Variants in NKAIN3 observed in about 807,000 individuals in gnomAD.
NKAIN3 encodes sodium/potassium-transporting ATPase subunit beta-1-interacting protein 3.
NKAIN3 carries 25 observed loss-of-function variants against 30.2 expected under a neutral mutation model. The observed-to-expected ratio is 0.83, with a 90% CI of 0.60 to 1.16. The LOEUF (loss-of-function observed/expected upper bound fraction) is 1.16, where lower values mean the gene tolerates loss of function less well. Ranked by LOEUF, NKAIN3 falls within the 50% of genes most tolerant of loss-of-function variation. The pLI is 0.00. For synonymous variants in NKAIN3, 91 were observed against 89.6 expected, an observed-to-expected ratio of 1.02 and a Z score of -0.09; for missense variants, 225 against 254.1, an observed-to-expected ratio of 0.89 and a Z score of 0.78.
chr8:62,259,192 T>C (rs533242105), intron 1 of NKAIN3, among the ~76,000 whole-genome samples: 2 of 152,210 alleles, frequency 1.3e-5, no homozygotes, highest in East Asian at 3.8e-4. Context: ...ATTTATAGTA[T>C]TTTGGACAAC....
At chr8:62,785,933 C>T (rs138674338) in intron 4 of NKAIN3, among the ~76,000 whole-genome samples, 3 of 152,250 alleles carry the variant, frequency 2.0e-5, no homozygotes, top group East Asian at 3.9e-4. Flanking sequence ...ATCCCTGCCT[C>T]TCAAACTGAG....
At chr8:62,625,553 CAT>C (rs961331005) in intron 3 of NKAIN3, among the ~76,000 whole-genome samples, 2 of 152,082 alleles carry the variant, frequency 1.3e-5, no homozygotes, top group African/African-American at 4.8e-5. Flanking sequence ...GGTTGCTTAA[CAT>C]AAAATTCCAG....
At chr8:62,840,866 A>G (rs982397672) in intron 4 of NKAIN3, among the ~76,000 whole-genome samples, 25 of 152,166 alleles carry the variant, frequency 1.6e-4, no homozygotes, top group Admixed American at 3.3e-4. Context: ...GTTCATGCAC[A>G]GGTATGAACA....
chr8:62,298,441 A>C (rs907299002), intron 1 of NKAIN3, among the ~76,000 whole-genome samples: 2 of 152,084 alleles, frequency 1.3e-5, no homozygotes, highest in Non-Finnish European at 1.5e-5. Context: ...CCCCAGTATC[A>C]ACCCTACCAA....
intron 3 of NKAIN3, among the ~76,000 whole-genome samples, chr8:62,641,696 G>A (rs1812312362): frequency 6.6e-6 from 1 of 152,136 alleles, no homozygotes; most frequent in Non-Finnish European, 1.5e-5. Flanking sequence ...GGCAAGATTA[G>A]GAAGGGGTTA....
At chr8:62,684,502 A>G (rs1226061454) in intron 3 of NKAIN3, among the ~76,000 whole-genome samples, 2 of 152,188 alleles carry the variant, frequency 1.3e-5, no homozygotes, top group East Asian at 3.9e-4. Flanking sequence ...AGAAGGATGT[A>G]AAGCCATGCT....
chr8:62,712,258 A>C (rs560665150), intron 3 of NKAIN3, among the ~76,000 whole-genome samples: 1 of 152,252 alleles, frequency 6.6e-6, no homozygotes, highest in East Asian at 1.9e-4. Flanking sequence ...CAGCTATGGT[A>C]GTATGGGTAG....
intron 4 of NKAIN3, among the ~76,000 whole-genome samples, chr8:62,875,128 C>T (rs1172127958): frequency 6.6e-6 from 1 of 152,174 alleles, no homozygotes; most frequent in Non-Finnish European, 1.5e-5. Flanking sequence ...TCAACAAAGT[C>T]TCAGGATACA....
intron 3 of NKAIN3, among the ~76,000 whole-genome samples, chr8:62,613,820 A>G (rs1273783017): frequency 6.6e-6 from 1 of 152,056 alleles, no homozygotes; most frequent in African/African-American, 2.4e-5. Context: ...GCATTCTTTG[A>G]TATACCAATT....
At chr8:62,874,944 A>G (rs1412246618) in intron 4 of NKAIN3, among the ~76,000 whole-genome samples, 2 of 152,190 alleles carry the variant, frequency 1.3e-5, no homozygotes, top group Non-Finnish European at 2.9e-5. Context: ...CCTATTCAAC[A>G]TAGTATTGGA....
At chr8:62,720,351 G>A (rs181695919) in intron 3 of NKAIN3, among the ~76,000 whole-genome samples, 45 of 152,182 alleles carry the variant, frequency 3.0e-4, no homozygotes, top group Admixed American at 2.0e-4. Context: ...TATGCATTGT[G>A]TGTGGTACAT....
At chr8:62,901,096 A>G (rs1020614506) in intron 4 of NKAIN3, among the ~76,000 whole-genome samples, 13 of 152,188 alleles carry the variant, frequency 8.5e-5, no homozygotes, top group Admixed American at 6.5e-4. Context: ...AGATCCAAGG[A>G]GGATGTAGGA....
At chr8:62,500,445 G>A (rs1403047257) in intron 1 of NKAIN3, among the ~76,000 whole-genome samples, 2 of 110,322 alleles carry the variant, frequency 1.8e-5, no homozygotes, top group African/African-American at 4.1e-5. Flanking sequence ...AAGAAAGAAA[G>A]AAAGAAAGAA....
chr8:62,495,796 G>A (rs76749655), intron 1 of NKAIN3, among the ~76,000 whole-genome samples: 4,737 of 152,108 alleles, frequency 0.031, 287 homozygotes, highest in African/African-American at 0.11. Flanking sequence ...TTGGATAGGA[G>A]AACTGATATT....
intron 3 of NKAIN3, among the ~76,000 whole-genome samples, chr8:62,691,684 C>T (rs1813972150): frequency 6.6e-6 from 1 of 152,144 alleles, no homozygotes; most frequent in African/African-American, 2.4e-5. Flanking sequence ...CATCTCAGGC[C>T]ACTCACCTGT....
intron 3 of NKAIN3, among the ~76,000 whole-genome samples, chr8:62,670,888 C>T (rs1026882623): frequency 9.7e-6 from 1 of 102,964 alleles, no homozygotes; most frequent in Admixed American, 8.6e-5. Flanking sequence ...AGCACACACA[C>T]ACACACACAC....
intron 2 of NKAIN3, among the ~76,000 whole-genome samples, chr8:62,582,595 G>A (rs1563469546): frequency 6.6e-6 from 1 of 152,110 alleles, no homozygotes; most frequent in Non-Finnish European, 1.5e-5. Flanking sequence ...GGGAACAAGG[G>A]AGTGAAGGGG....
At chr8:62,438,825 A>AC (rs1805242410) in intron 1 of NKAIN3, among the ~76,000 whole-genome samples, 1 of 152,030 alleles carries the variant, frequency 6.6e-6, no homozygotes, top group East Asian at 1.9e-4. Context: ...GGCCTCCCAG[A>AC]GTGTTGGGAT....
intron 1 of NKAIN3, among the ~76,000 whole-genome samples, chr8:62,532,340 C>A (rs1326692759): frequency 2.0e-5 from 3 of 152,112 alleles, no homozygotes; most frequent in Admixed American, 6.6e-5. Flanking sequence ...CACTGCCTAT[C>A]CCCTGCCCAG....
Sources: gnomAD v4.1 joint callset for allele counts (sites outside exome capture counted in the v4.1 genomes callset) on GRCh38, gnomAD v4.1.1 for gene constraint, MANE v1.5 for transcripts, NCBI Gene and HGNC (gene_info 2026-07-23, HGNC 2026-07-21) for gene names.